The following WDR49 variants were observed in gnomAD, a reference collection of about 807,000 sequenced individuals.
WDR49 encodes the protein WD repeat domain 49, also known as cilia- and flagella-associated protein 337.
WDR49 carries 107 observed loss-of-function variants against 119.5 expected under a neutral mutation model. That is an observed-to-expected ratio of 0.90 (90% CI 0.77 to 1.05). WDR49 has a LOEUF of 1.05. Among genes scored for constraint, WDR49 ranks in the 50% least tolerant of loss-of-function variants. The pLI is 0.00. For missense variants in WDR49, 1,240 were observed against 1,220.5 expected, an observed-to-expected ratio of 1.02 and a Z score of -0.24; for synonymous variants, 425 against 418.8, an observed-to-expected ratio of 1.01 and a Z score of -0.18.
At chr3:167,507,487 G>A (rs1379689918) in intron 16 of WDR49, among the ~76,000 whole-genome samples, 1 of 152,188 alleles carries the variant, frequency 6.6e-6, no homozygotes, top group East Asian at 1.9e-4. Context: ...AGGCCTTGCA[G>A]TTATTGGATT....
chr3:167,533,852 G>C (rs1461496023), intron 11 of WDR49, among the ~76,000 whole-genome samples: 1 of 152,010 alleles, frequency 6.6e-6, no homozygotes, highest in Non-Finnish European at 1.5e-5. Flanking sequence ...GAAGAGTTTG[G>C]GTGGGATGTA....
intron 2 of WDR49, among the ~76,000 whole-genome samples, chr3:167,631,601 T>C (rs1033752353): frequency 2.0e-5 from 3 of 152,120 alleles, no homozygotes; most frequent in African/African-American, 7.2e-5. Flanking sequence ...ATGGGCTGTT[T>C]AGTTCAGTGA....
intron 9 of WDR49, among the ~76,000 whole-genome samples, chr3:167,556,398 T>G (rs2085964439): frequency 6.6e-6 from 1 of 152,192 alleles, no homozygotes; most frequent in Non-Finnish European, 1.5e-5. Flanking sequence ...CTCCTGTTGA[T>G]GGTGGGTGCC....
chr3:167,575,975 C>T lies in WDR49; in HGVS notation c.1452G>A (p.Arg484=), dbSNP rs114731160. Reference sequence around the variant, plus strand: ...TGACTGCTTTCTCATGGCTTTTCACCCTCTTGCTGGCTTCACTTTTCATTG... The same window carrying T: ...TGACTGCTTTCTCATGGCTTTTCACTCTCTTGCTGGCTTCACTTTTCATTG... The part of the protein sequence containing the change: ...LLAMKSEASK[R]VKSHEKAVTC... The change falls in exon 8 of 19, where the codon AGG becomes AGA. Residue 484 remains arginine (R), a synonymous_variant. Coordinates refer to ENST00000682715, the MANE Select transcript of WDR49 (RefSeq NM_001366157.1). 192 of 1,614,000 alleles carry T rather than the reference C, an allele frequency of 1.2e-4. No individual in the cohort carries two copies. In the African/African-American group the frequency reaches 2.3e-3, roughly 19 times the overall value.
rs947596875 is a variant in WDR49 at position 167,634,936 on chromosome 3, C to T, written c.166-7644G>A. On this transcript the variant is annotated intron_variant, in intron 2 of 18. Transcript: ENST00000682715. ...ACAAAATAGTGTCATGATATACATA[C>T]ATATCTTTCTATGTTGCTTTTTCCA... Among the ~76,000 whole-genome samples, 13 of 151,902 alleles carry T rather than the reference C, an allele frequency of 8.6e-5. No individual in the cohort carries two copies. The East Asian group carries it at 1.5e-3, about 18-fold the overall frequency.
intron 2 of WDR49, among the ~76,000 whole-genome samples, chr3:167,636,241 C>T (rs1717614058): frequency 6.7e-6 from 1 of 149,904 alleles, no homozygotes. Context: ...TGAGTTACTT[C>T]ACTTAGAATA....
intron 7 of WDR49, among the ~76,000 whole-genome samples, chr3:167,596,155 CA>C (rs1715424778): frequency 6.6e-6 from 1 of 151,376 alleles, no homozygotes; most frequent in South Asian, 2.1e-4. Flanking sequence ...AAATGCAAAT[CA>C]AAACCACAGT....
chr3:167,648,839 A>C (rs1178942069), intron 2 of WDR49, among the ~76,000 whole-genome samples: 1 of 152,202 alleles, frequency 6.6e-6, no homozygotes, highest in Admixed American at 6.5e-5. Flanking sequence ...CTTACCCATT[A>C]GAAATACCTG....
intron 10 of WDR49, among the ~76,000 whole-genome samples, chr3:167,545,594 A>G (rs1443231939): frequency 6.7e-6 from 1 of 148,568 alleles, no homozygotes; most frequent in Non-Finnish European, 1.5e-5. Flanking sequence ...CATTATTCTA[A>G]GTGAAGTAAC....
At chr3:167,544,799 GA>G (rs1712069588) in intron 10 of WDR49, among the ~76,000 whole-genome samples, 1 of 151,868 alleles carries the variant, frequency 6.6e-6, no homozygotes, top group Non-Finnish European at 1.5e-5. Flanking sequence ...TCATGACCAA[GA>G]ACCCAAAATC....
chr3:167,528,112 G>C, intron 14 of WDR49, 95 bp from the exon 15 acceptor site: 1 of 1,039,610 alleles, frequency 9.6e-7, no homozygotes, highest in Non-Finnish European at 1.4e-6. Flanking sequence ...TTTCAAACTT[G>C]GGAACAATAA....
chr3:167,513,505 C>G (rs1752071671), intron 16 of WDR49, among the ~76,000 whole-genome samples: 1 of 152,288 alleles, frequency 6.6e-6, no homozygotes, highest in Admixed American at 6.5e-5. Context: ...AATACAAAAA[C>G]ACCCTGAAGT....
At chr3:167,591,253 C>A (rs1012261767) in intron 7 of WDR49, among the ~76,000 whole-genome samples, 1 of 151,808 alleles carries the variant, frequency 6.6e-6, no homozygotes, top group Non-Finnish European at 1.5e-5. Context: ...GTTTTAGTAC[C>A]TTGTGATTAG....
chr3:167,629,697 A>G (rs1717283678), intron 2 of WDR49, among the ~76,000 whole-genome samples: 1 of 152,124 alleles, frequency 6.6e-6, no homozygotes, highest in Admixed American at 6.6e-5. Flanking sequence ...AATTCATGGG[A>G]GGAAGTCAAA....
intron 16 of WDR49, among the ~76,000 whole-genome samples, chr3:167,506,837 T>C (rs78030816): frequency 0.012 from 1,876 of 152,336 alleles, 40 homozygotes; most frequent in African/African-American, 0.043. Context: ...ATGATCTTGA[T>C]AGTTTTAAGA....
intron 2 of WDR49, among the ~76,000 whole-genome samples, chr3:167,646,503 C>T: frequency 6.6e-6 from 1 of 152,050 alleles, no homozygotes; most frequent in East Asian, 1.9e-4. Flanking sequence ...AGAAAGGGTT[C>T]GAAGCAGCAT....
intron 6 of WDR49, 93 bp from the exon 7 acceptor site, chr3:167,602,368 C>G (rs1278004582): frequency 1.7e-6 from 2 of 1,162,358 alleles, no homozygotes; most frequent in Non-Finnish European, 2.3e-6. Context: ...ATAACTCTAG[C>G]TTGATGAATG....
chr3:167,603,151 T>A (rs886537018), intron 6 of WDR49, among the ~76,000 whole-genome samples: 1 of 152,140 alleles, frequency 6.6e-6, no homozygotes, highest in Non-Finnish European at 1.5e-5. Context: ...ATCAGTTATA[T>A]TTAGGGAGCT....
chr3:167,498,129 C>T (rs148438620), intron 18 of WDR49, among the ~76,000 whole-genome samples: 107 of 152,206 alleles, frequency 7.0e-4, no homozygotes, highest in African/African-American at 2.5e-3. Flanking sequence ...CATGAGCCAC[C>T]GCGCCCAGCC....
Sources: allele counts gnomAD v4.1 joint callset (sites outside exome capture counted in the v4.1 genomes callset), GRCh38; gene constraint gnomAD v4.1.1; transcripts MANE v1.5; gene names NCBI Gene and HGNC (gene_info 2026-07-23, HGNC 2026-07-21).